The following FAM168B variants were observed in gnomAD, a reference collection of about 807,000 sequenced individuals.
FAM168B encodes the protein family with sequence similarity 168 member B.
Under a neutral mutation model 21.8 loss-of-function variants are expected in FAM168B, and 19 were observed. That is an observed-to-expected ratio of 0.87 (90% CI 0.61 to 1.28). The LOEUF is 1.28. FAM168B is among the 50% of genes most tolerant of loss of function. The probability of loss-of-function intolerance (pLI) is 0.00; values close to 1 mark genes in which losing one functional copy is unlikely to be tolerated. For synonymous variants in FAM168B, 126 were observed against 104.8 expected, an observed-to-expected ratio of 1.20 and a Z score of -1.24; for missense variants, 233 against 263.1, an observed-to-expected ratio of 0.89 and a Z score of 0.79.
At position 131,053,021 on chromosome 2, in the gene FAM168B, A is replaced by G. The variant is rs1691784104; in HGVS notation, c.476-6T>C. ...GTGAGCAGTCAGCAGGGTACCTGGAAGAAAGAGCAGCACATGACATGAGGC... is the reference window on the plus strand; with the variant it reads ...GTGAGCAGTCAGCAGGGTACCTGGAGGAAAGAGCAGCACATGACATGAGGC... On this transcript the variant is annotated splice_region_variant and splice_polypyrimidine_tract_variant and intron_variant, in intron 5 of 6. Transcript: ENST00000389915. 6.5e-7 allele frequency: 1 copy of G among 1,547,468 alleles called. No individual in the cohort carries two copies. Among genetic ancestry groups the G allele is most frequent in the Non-Finnish European group, 8.7e-7 (1 of 1,145,176 alleles).
intron 1 of FAM168B, among the ~76,000 whole-genome samples, chr2:131,086,026 T>C (rs1049763185): frequency 1.3e-5 from 2 of 152,160 alleles, no homozygotes; most frequent in African/African-American, 4.8e-5. Context: ...AGGAAACAAG[T>C]ATACAAAGGC....
chr2:131,092,924 C>A (rs769136460), intron 1 of FAM168B, among the ~76,000 whole-genome samples: 3 of 152,146 alleles, frequency 2.0e-5, no homozygotes, highest in African/African-American at 7.2e-5. Context: ...GCATTCCTGA[C>A]GGCTGTGACC....
chr2:131,092,735 G>A (rs985829222), intron 1 of FAM168B, among the ~76,000 whole-genome samples: 1 of 151,930 alleles, frequency 6.6e-6, no homozygotes, highest in Non-Finnish European at 1.5e-5. Flanking sequence ...CTTTCTGAAG[G>A]AAATCTTAAA....
Position 131,054,719 on chromosome 2 carries a change from C to T in FAM168B, c.475+553G>A, listed in dbSNP as rs549407744. On this transcript the variant is annotated intron_variant, in intron 5 of 6. Transcript: ENST00000389915. ...TCAGATCAAACCCCCAGGGCTTCCGCGGAGATGTGCCCATCCCAGCCAGGG... is the reference window on the plus strand; with the variant it reads ...TCAGATCAAACCCCCAGGGCTTCCGTGGAGATGTGCCCATCCCAGCCAGGG... Among the ~76,000 whole-genome samples, 13 of 152,170 alleles carry T rather than the reference C, an allele frequency of 8.5e-5. 1 individual carries two copies. In the South Asian group the frequency reaches 2.1e-3, roughly 24 times the overall value.
At chr2:131,060,969 A>G (rs1274128787) in intron 3 of FAM168B, among the ~76,000 whole-genome samples, 1 of 151,452 alleles carries the variant, frequency 6.6e-6, no homozygotes, top group Non-Finnish European at 1.5e-5. Context: ...CTCCTGCCTC[A>G]GTCTCCTGAG....
Position 131,053,013 on chromosome 2 carries a change from TA to T in FAM168B, c.477del (p.Thr160ProfsTer3). ...VAGTTMAMSA[G>X]TLLTAHSPTP... The stretch of plus-strand genomic sequence containing the variant: ...GTTGGGGAGTGAGCAGTCAGCAGGG[TA>T]CCTGGAAGAAAGAGCAGCACATGAC... On this transcript the variant is annotated frameshift_variant and splice_region_variant, in exon 6 of 7. Transcript: ENST00000389915. LOFTEE classifies it high-confidence loss of function. 1 of 1,548,598 alleles carries T rather than the reference TA, an allele frequency of 6.5e-7. No homozygotes were observed. The highest frequency in any genetic ancestry group is 8.7e-7 in the Non-Finnish European group (1 of 1,145,910).
At chr2:131,076,825 C>T (rs1693176862) in intron 2 of FAM168B, among the ~76,000 whole-genome samples, 1 of 151,928 alleles carries the variant, frequency 6.6e-6, no homozygotes, top group African/African-American at 2.4e-5. Flanking sequence ...AAACAAACAT[C>T]CCGCCCCACC....
At chr2:131,068,842 C>T (rs1322003420) in intron 3 of FAM168B, among the ~76,000 whole-genome samples, 2 of 152,066 alleles carry the variant, frequency 1.3e-5, no homozygotes, top group African/African-American at 2.4e-5. Flanking sequence ...ATAGTGAAAC[C>T]CATCTCTACA....
intron 2 of FAM168B, among the ~76,000 whole-genome samples, chr2:131,074,715 G>A (rs936694809): frequency 6.6e-6 from 1 of 152,144 alleles, no homozygotes; most frequent in Non-Finnish European, 1.5e-5. Context: ...CCCTAAGGTT[G>A]AGGTAAAAAC....
At chr2:131,074,685 C>T (rs1693047043) in intron 2 of FAM168B, among the ~76,000 whole-genome samples, 1 of 152,132 alleles carries the variant, frequency 6.6e-6, no homozygotes, top group Admixed American at 6.6e-5. Context: ...ATGGTGCTAA[C>T]AGTAACCAAA....
At chr2:131,077,871 G>A (rs1052057943) in intron 2 of FAM168B, among the ~76,000 whole-genome samples, 1 of 152,190 alleles carries the variant, frequency 6.6e-6, no homozygotes, top group African/African-American at 2.4e-5. Context: ...CTCCCCTGGT[G>A]TAAGAGACAA....
intron 2 of FAM168B, among the ~76,000 whole-genome samples, chr2:131,074,749 A>G (rs1443206554): frequency 1.3e-5 from 2 of 152,278 alleles, no homozygotes; most frequent in East Asian, 3.9e-4. Flanking sequence ...GTGGAATGCC[A>G]AAAGGAAAAT....
At chr2:131,076,932 A>G (rs1203530875) in intron 2 of FAM168B, among the ~76,000 whole-genome samples, 1 of 151,900 alleles carries the variant, frequency 6.6e-6, no homozygotes, top group Non-Finnish European at 1.5e-5. Context: ...GCTGGAAAAC[A>G]CATTCTGTTA....
At position 131,048,066 on chromosome 2, in the gene FAM168B, T is replaced by TA; in HGVS notation, c.*4398dup. ...AATTCCATTCCTTGGCATGGATACG[T>TA]AAGTTCAATGCAGAGGTGAGGGATG... is the stretch of plus-strand genomic sequence containing the variant. On this transcript the variant is annotated 3_prime_UTR_variant, in exon 7 of 7. Coordinates refer to ENST00000389915, the MANE Select transcript of FAM168B (RefSeq NM_001009993.4). 1 of 625,214 alleles carries TA rather than the reference T, an allele frequency of 1.6e-6. No homozygotes were observed. Among genetic ancestry groups the TA allele is most frequent in the Non-Finnish European group, 2.3e-6 (1 of 444,212 alleles). 38.7% of individuals were successfully genotyped at this position (625,214 alleles called of 1,614,324 possible).
chr2:131,056,836 G>C (rs868862758), intron 3 of FAM168B, among the ~76,000 whole-genome samples: 25 of 152,120 alleles, frequency 1.6e-4, no homozygotes, highest in Middle Eastern at 3.4e-3. Context: ...CATGCTGGAT[G>C]CATGTACTGA....
intron 2 of FAM168B, among the ~76,000 whole-genome samples, chr2:131,073,395 A>G (rs943662898): frequency 1.3e-5 from 2 of 152,098 alleles, no homozygotes; most frequent in African/African-American, 4.8e-5. Flanking sequence ...GCCTTGCCAT[A>G]TTTTGATGTT....
At position 131,049,780 on chromosome 2, in the gene FAM168B, A is replaced by C; in HGVS notation, c.*2685T>G. Reference sequence around the variant, plus strand: ...TAGGAATGTCAAACACACAAAAAGCAAATTTCTCAGAATGCTCCACCATAT... The same window carrying C: ...TAGGAATGTCAAACACACAAAAAGCCAATTTCTCAGAATGCTCCACCATAT... On this transcript the variant is annotated 3_prime_UTR_variant, in exon 7 of 7. Transcript: ENST00000389915. 1.0e-6 allele frequency: 1 copy of C among 985,888 alleles called. No homozygotes were observed. The highest frequency in any genetic ancestry group is 1.2e-6 in the Non-Finnish European group (1 of 829,940). 61.1% of individuals were successfully genotyped at this position (985,888 alleles called of 1,614,324 possible).
At chr2:131,088,682 T>A (rs1693844287) in intron 1 of FAM168B, among the ~76,000 whole-genome samples, 2 of 152,164 alleles carry the variant, frequency 1.3e-5, no homozygotes, top group Non-Finnish European at 1.5e-5. Flanking sequence ...AAATGATACA[T>A]CTATACTTTA....
Position 131,079,146 on chromosome 2 carries a change from C to T in FAM168B, c.70+3431G>A, listed in dbSNP as rs374982391. ...AGGTCATTCTGGAATCCTGGACTGC[C>T]CAGGCTGGCTCTAAATCCAATGACA... On this transcript the variant is annotated intron_variant, in intron 2 of 6. Coordinates refer to ENST00000389915, the MANE Select transcript of FAM168B (RefSeq NM_001009993.4). Among the ~76,000 whole-genome samples the T allele has an allele frequency of 8.6e-5, 13 of 151,950 alleles. No individual in the cohort carries two copies. The East Asian group carries it at 2.3e-3, about 27-fold the overall frequency.
Sources: gnomAD v4.1 joint callset for allele counts (sites outside exome capture counted in the v4.1 genomes callset) on GRCh38, gnomAD v4.1.1 for gene constraint, MANE v1.5 for transcripts, NCBI Gene and HGNC (gene_info 2026-07-23, HGNC 2026-07-21) for gene names.